The following SPOCK3 variants were observed in gnomAD, a reference collection of about 807,000 sequenced individuals.
SPOCK3 encodes the protein testican-3.
In SPOCK3, 30 loss-of-function variants were observed where a neutral mutation model predicts 56.6. The observed-to-expected ratio is 0.53, with a 90% CI of 0.40 to 0.72. The LOEUF (loss-of-function observed/expected upper bound fraction) is 0.72. SPOCK3 is among the 30% of genes least tolerant of loss of function. The probability of loss-of-function intolerance (pLI) is 0.00; values close to 1 mark genes in which losing one functional copy is unlikely to be tolerated. For missense variants in SPOCK3, 527 were observed against 530.0 expected, an observed-to-expected ratio of 0.99 and a Z score of 0.06; for synonymous variants, 196 against 183.3, an observed-to-expected ratio of 1.07 and a Z score of -0.56.
rs532098193 is a variant in SPOCK3, at chr4:167,001,269, A to G, written c.236-806T>C. 2.0e-5 allele frequency among the ~76,000 whole-genome samples: 3 copies of G among 152,254 alleles called. No homozygotes were observed. In the East Asian group the frequency reaches 5.8e-4, roughly 29 times the overall value. On this transcript the variant is annotated intron_variant, in intron 3 of 10. Coordinates refer to ENST00000357545, the MANE Select transcript of SPOCK3 (RefSeq NM_001040159.2). ...TACCCAAACATATCGTCTTGTTATCATTATCATCCCCTATTCCCTCTCCCC... is the reference window on the plus strand; with the variant it reads ...TACCCAAACATATCGTCTTGTTATCGTTATCATCCCCTATTCCCTCTCCCC...
chr4:166,978,362 C>G (rs764163503), intron 4 of SPOCK3, among the ~76,000 whole-genome samples: 2 of 152,020 alleles, frequency 1.3e-5, no homozygotes, highest in Admixed American at 6.6e-5. Flanking sequence ...AAAGCAAGGC[C>G]TTATGAGTCA....
chr4:167,217,062 C>CA (rs1735433470), intron 2 of SPOCK3, among the ~76,000 whole-genome samples: 1 of 151,838 alleles, frequency 6.6e-6, no homozygotes, highest in Non-Finnish European at 1.5e-5. Flanking sequence ...TGTTAAAGAA[C>CA]AAAAAACAAT....
At chr4:167,105,899 T>C (rs1760094486) in intron 2 of SPOCK3, among the ~76,000 whole-genome samples, 1 of 151,932 alleles carries the variant, frequency 6.6e-6, no homozygotes, top group African/African-American at 2.4e-5. Flanking sequence ...AAGTACATCA[T>C]ATCATGATAA....
chr4:166,740,580 CG>C (rs1200494283), intron 9 of SPOCK3, among the ~76,000 whole-genome samples: 9 of 151,316 alleles, frequency 5.9e-5, no homozygotes, highest in African/African-American at 2.2e-4. Context: ...GGCTGGTGTA[CG>C]GTGGTGCCAT....
intron 5 of SPOCK3, among the ~76,000 whole-genome samples, chr4:166,899,143 TATC>T (rs1446335856): frequency 6.6e-6 from 1 of 151,970 alleles, no homozygotes; most frequent in Admixed American, 6.6e-5. Flanking sequence ...GACTGAATTA[TATC>T]ATCATCTTTC....
intron 4 of SPOCK3, among the ~76,000 whole-genome samples, chr4:166,963,584 A>G (rs1048577081): frequency 5.3e-5 from 8 of 151,986 alleles, no homozygotes; most frequent in African/African-American, 1.9e-4. Context: ...GCACCAGGGG[A>G]TGATACTGAA....
intron 2 of SPOCK3, among the ~76,000 whole-genome samples, chr4:167,221,915 A>G (rs1291179892): frequency 6.6e-6 from 1 of 152,190 alleles, no homozygotes; most frequent in East Asian, 1.9e-4. Context: ...TAAAAAAATT[A>G]AAAACAAAAT....
chr4:166,844,008 T>C (rs571408378), intron 6 of SPOCK3, among the ~76,000 whole-genome samples: 1 of 152,318 alleles, frequency 6.6e-6, no homozygotes, highest in African/African-American at 2.4e-5. Context: ...GTGTCCATTT[T>C]AGACAATTCA....
chr4:166,894,208 C>T (rs4860002), intron 5 of SPOCK3, among the ~76,000 whole-genome samples: 113,612 of 152,034 alleles, frequency 0.75, 42,502 homozygotes, highest in East Asian at 0.83. Flanking sequence ...AGAAACTTGA[C>T]TTCGAAAAAC....
chr4:166,992,519 CA>C (rs375124767), intron 4 of SPOCK3, among the ~76,000 whole-genome samples: 1,880 of 151,996 alleles, frequency 0.012, 18 homozygotes, highest in Non-Finnish European at 0.019. Context: ...TTCTCATAGA[CA>C]AAAAAATAGA....
At chr4:166,850,886 G>A (rs1374157577) in intron 6 of SPOCK3, among the ~76,000 whole-genome samples, 1 of 152,224 alleles carries the variant, frequency 6.6e-6, no homozygotes, top group African/African-American at 2.4e-5. Context: ...CAGCGAGGCT[G>A]GGGGAGGGGT....
chr4:167,092,744 C>G (rs548637060), intron 2 of SPOCK3, among the ~76,000 whole-genome samples: 1 of 152,222 alleles, frequency 6.6e-6, no homozygotes, highest in Non-Finnish European at 1.5e-5. Flanking sequence ...TGCTGAGAAG[C>G]TGTAAAATGT....
chr4:166,764,999 T>C (rs925292024), intron 7 of SPOCK3, among the ~76,000 whole-genome samples: 1 of 152,214 alleles, frequency 6.6e-6, no homozygotes, highest in African/African-American at 2.4e-5. Flanking sequence ...TTTTGAGAAG[T>C]GTCTGTTCAT....
chr4:167,058,848 G>A (rs564832710), intron 3 of SPOCK3, among the ~76,000 whole-genome samples: 242 of 152,128 alleles, frequency 1.6e-3, no homozygotes, highest in Non-Finnish European at 2.9e-3. Flanking sequence ...ATAACGCCAT[G>A]TATCTACAAC....
chr4:166,920,661 C>T (rs1377324817), intron 4 of SPOCK3, among the ~76,000 whole-genome samples: 1 of 152,022 alleles, frequency 6.6e-6, no homozygotes. Context: ...TTAAAAATAG[C>T]AGTGACAGAT....
chr4:166,912,813 C>T, intron 4 of SPOCK3, 70 bp from the exon 5 acceptor site: 2 of 1,313,512 alleles, frequency 1.5e-6, no homozygotes, highest in Non-Finnish European at 2.0e-6. Context: ...TAGCTCATTC[C>T]TCTCCTAAAC....
chr4:167,230,071 T>A (rs1352754889), intron 2 of SPOCK3, among the ~76,000 whole-genome samples: 1 of 152,040 alleles, frequency 6.6e-6, no homozygotes, highest in African/African-American at 2.4e-5. Flanking sequence ...TTTTTCTAAG[T>A]TTTTATTATA....
chr4:167,062,570 A>G (rs1166868270), intron 2 of SPOCK3, 33 bp from the exon 3 acceptor site: 9 of 1,536,912 alleles, frequency 5.9e-6, no homozygotes, highest in African/African-American at 1.4e-5. Flanking sequence ...TTGAGTGTAT[A>G]CAAGTAATTA....
At chr4:166,962,907 T>A (rs1255023731) in intron 4 of SPOCK3, among the ~76,000 whole-genome samples, 1 of 152,110 alleles carries the variant, frequency 6.6e-6, no homozygotes, top group South Asian at 2.1e-4. Flanking sequence ...ATCATGAGAA[T>A]GTCAACATGC....
Sources: gnomAD v4.1 joint callset for allele counts (sites outside exome capture counted in the v4.1 genomes callset) on GRCh38, gnomAD v4.1.1 for gene constraint, MANE v1.5 for transcripts, NCBI Gene and HGNC (gene_info 2026-07-23, HGNC 2026-07-21) for gene names.